Variants in MARCHF8 observed in about 807,000 individuals in gnomAD.
MARCHF8 encodes the protein E3 ubiquitin-protein ligase MARCHF8.
Under a neutral mutation model 51.6 loss-of-function variants are expected in MARCHF8, and 40 were observed. That is an observed-to-expected ratio of 0.77 (90% confidence interval 0.60 to 1.01). The LOEUF (loss-of-function observed/expected upper bound fraction) is 1.01. Ranked by LOEUF, MARCHF8 falls within the 50% of genes least tolerant of loss-of-function variation. The pLI is 0.00. For missense variants in MARCHF8, 685 were observed against 708.6 expected (o/e 0.97, Z 0.38); for synonymous variants, 263 against 280.3 (o/e 0.94, Z 0.62).
intron 2 of MARCHF8, among the ~76,000 whole-genome samples, chr10:45,512,402 G>T (rs2043537537): frequency 6.7e-6 from 1 of 149,758 alleles, no homozygotes; most frequent in African/African-American, 2.5e-5. Flanking sequence ...AGGTCGGGGG[G>T]TCAGCCCCCC....
intron 1 of MARCHF8, among the ~76,000 whole-genome samples, chr10:45,576,202 G>T (rs2044487531): frequency 6.6e-6 from 1 of 152,168 alleles, no homozygotes. Context: ...TCCAGAAACA[G>T]ACTCACACAT....
chr10:45,576,071 C>A (rs1446571149), intron 1 of MARCHF8, among the ~76,000 whole-genome samples: 1 of 152,106 alleles, frequency 6.6e-6, no homozygotes, highest in African/African-American at 2.4e-5. Context: ...GGTCTCTTCA[C>A]AGGGACATGA....
intron 2 of MARCHF8, among the ~76,000 whole-genome samples, chr10:45,525,814 T>C (rs922420975): frequency 4.6e-5 from 7 of 152,154 alleles, no homozygotes; most frequent in Non-Finnish European, 8.8e-5. Flanking sequence ...ACAATTCCCA[T>C]AGAAGGACAT....
intron 2 of MARCHF8, among the ~76,000 whole-genome samples, chr10:45,517,746 C>A (rs1020142426): frequency 2.0e-5 from 3 of 152,284 alleles, no homozygotes; most frequent in Non-Finnish European, 4.4e-5. Context: ...ACTAAAACTT[C>A]ACACAAAAAG....
chr10:45,508,823 ATTGT>A (rs2133182030), intron 2 of MARCHF8, among the ~76,000 whole-genome samples: 1 of 152,312 alleles, frequency 6.6e-6, no homozygotes, highest in Non-Finnish European at 1.5e-5. Flanking sequence ...TACATTTTAA[ATTGT>A]TTAAAATTTT....
At chr10:45,551,512 T>C (rs566261047) in intron 1 of MARCHF8, among the ~76,000 whole-genome samples, 1 of 152,054 alleles carries the variant, frequency 6.6e-6, no homozygotes, top group African/African-American at 2.4e-5. Flanking sequence ...TCTGGGACTA[T>C]AGGTGCCTGT....
At chr10:45,577,876 C>T (rs1184667357) in intron 1 of MARCHF8, among the ~76,000 whole-genome samples, 1 of 152,148 alleles carries the variant, frequency 6.6e-6, no homozygotes, top group African/African-American at 2.4e-5. Flanking sequence ...TTAAAAATAG[C>T]TGGGCATGGT....
intron 1 of MARCHF8, among the ~76,000 whole-genome samples, chr10:45,572,719 C>G (rs1172184622): frequency 6.6e-6 from 1 of 152,046 alleles, no homozygotes; most frequent in Non-Finnish European, 1.5e-5. Flanking sequence ...CAACCCCAAG[C>G]GTCTCTGAGT....
intron 2 of MARCHF8, among the ~76,000 whole-genome samples, chr10:45,496,843 T>A (rs907580857): frequency 7.9e-5 from 12 of 152,094 alleles, no homozygotes; most frequent in African/African-American, 2.2e-4. Context: ...AAATCTTTTT[T>A]AAAAATCATT....
In MARCHF8 at chr10:45,463,161, C is replaced by G. The variant is rs1448926882; in HGVS notation, c.1078G>C (p.Asp360His). The G allele has an allele frequency of 6.5e-7, 1 of 1,549,570 alleles. No individual in the cohort carries two copies. Among genetic ancestry groups the G allele is most frequent in the Non-Finnish European group, 8.7e-7 (1 of 1,146,488 alleles). Residue 360 changes from aspartate to histidine, a missense_variant, in exon 5 of 8, where the codon GAT (aspartate) becomes CAT (histidine). Transcript: ENST00000453424. ...PPISPVSTSGDVCRICHCEGD... is the reference protein window; with the variant it reads ...PPISPVSTSGHVCRICHCEGD... ...TCCTGGCAAACCAACCTGCAGACATCCCCTGACGTGGACACGGGAGATATG... is the reference window on the plus strand; with the variant it reads ...TCCTGGCAAACCAACCTGCAGACATGCCCTGACGTGGACACGGGAGATATG...
At chr10:45,527,204 A>G (rs2043808071) in intron 2 of MARCHF8, among the ~76,000 whole-genome samples, 1 of 152,150 alleles carries the variant, frequency 6.6e-6, no homozygotes, top group African/African-American at 2.4e-5. Context: ...CCACAAGTTA[A>G]CCTGACATAG....
intron 2 of MARCHF8, among the ~76,000 whole-genome samples, chr10:45,510,746 A>C (rs1217475514): frequency 1.3e-5 from 2 of 152,174 alleles, no homozygotes; most frequent in Non-Finnish European, 2.9e-5. Context: ...AAAATATGAA[A>C]CAACCAAGCA....
intron 1 of MARCHF8, among the ~76,000 whole-genome samples, chr10:45,588,998 CAAAAAAA>C (rs72350925): frequency 1.1e-4 from 10 of 87,686 alleles, no homozygotes; most frequent in Non-Finnish European, 1.3e-4. Flanking sequence ...GACTACGTTT[CAAAAAAA>C]AAAAAAAAAA....
At chr10:45,500,874 T>C (rs139640676) in intron 2 of MARCHF8, among the ~76,000 whole-genome samples, 60 of 151,756 alleles carry the variant, frequency 4.0e-4, no homozygotes, top group Non-Finnish European at 6.6e-4. Flanking sequence ...TATATATATA[T>C]ACATATATAT....
At chr10:45,534,563 G>A (rs538474616) in intron 1 of MARCHF8, among the ~76,000 whole-genome samples, 55 of 152,166 alleles carry the variant, frequency 3.6e-4, no homozygotes, top group South Asian at 6.2e-4. Context: ...CCAATTAAAC[G>A]TAAATTATCC....
chr10:45,522,567 GTAATACA>G (rs1564500377), intron 2 of MARCHF8, among the ~76,000 whole-genome samples: 2 of 152,174 alleles, frequency 1.3e-5, no homozygotes, highest in Non-Finnish European at 2.9e-5. Context: ...TACACAGCTA[GTAATACA>G]TAAACACTAC....
In MARCHF8 at chr10:45,528,623, G is replaced by A. The variant is rs1379063560; in HGVS notation, c.102+4487C>T. Among the ~76,000 whole-genome samples the A allele has an allele frequency of 2.0e-5, 3 of 152,112 alleles. No homozygotes were observed. The East Asian group carries it at 5.8e-4, about 29-fold the overall frequency. On this transcript the variant is annotated intron_variant, in intron 2 of 7. Coordinates refer to ENST00000453424, the MANE Select transcript of MARCHF8 (RefSeq NM_001282866.2). Reference sequence around the variant, plus strand: ...TTACAGGCACGTGCCACCACACCCAGCTAATTTTTGTATTTTTTGTTGTGA... The same window carrying A: ...TTACAGGCACGTGCCACCACACCCAACTAATTTTTGTATTTTTTGTTGTGA...
At chr10:45,468,969 T>C (rs1032488422) in intron 3 of MARCHF8, among the ~76,000 whole-genome samples, 21 of 152,124 alleles carry the variant, frequency 1.4e-4, no homozygotes, top group Non-Finnish European at 2.5e-4. Flanking sequence ...CTTTTAGGAA[T>C]TCATCCTCAC....
At chr10:45,505,396 G>A (rs1282432288) in intron 2 of MARCHF8, among the ~76,000 whole-genome samples, 1 of 152,198 alleles carries the variant, frequency 6.6e-6, no homozygotes, top group African/African-American at 2.4e-5. Flanking sequence ...TCTGTTACTT[G>A]CAACTACCCA....
Sources: allele counts gnomAD v4.1 joint callset (sites outside exome capture counted in the v4.1 genomes callset), GRCh38; gene constraint gnomAD v4.1.1; transcripts MANE v1.5; gene names NCBI Gene and HGNC (gene_info 2026-07-23, HGNC 2026-07-21).